The following SMCHD1 variants were observed in gnomAD, a reference collection of about 807,000 sequenced individuals.
SMCHD1 encodes structural maintenance of chromosomes flexible hinge domain-containing protein 1.
A neutral mutation model predicts 254.7 loss-of-function variants in SMCHD1; 78 were observed. The ratio of observed to expected loss-of-function variants is 0.31; its 90% CI spans 0.26 to 0.37. The LOEUF (loss-of-function observed/expected upper bound fraction) is 0.37. Among genes scored for constraint, SMCHD1 ranks in the 10% least tolerant of loss-of-function variants. SMCHD1 has a pLI of 1.00. For missense variants in SMCHD1, 1,840 were observed against 2,408.1 expected, an observed-to-expected ratio of 0.76 and a Z score of 4.94; for synonymous variants, 766 against 794.9, an observed-to-expected ratio of 0.96 and a Z score of 0.61.
chr18:2,752,511 A>T lies in SMCHD1; in HGVS notation c.4305A>T (p.Lys1435Asn). 6.2e-7 allele frequency: 1 copy of T among 1,600,980 alleles called. No individual in the cohort carries two copies. The highest frequency in any genetic ancestry group is 8.6e-7 in the Non-Finnish European group (1 of 1,168,834). ...AGGCAGAAACATTTAGTTGTAATAAAATAAAAGATAATGACAAAGAAGATG... is the reference window on the plus strand; with the variant it reads ...AGGCAGAAACATTTAGTTGTAATAATATAAAAGATAATGACAAAGAAGATG... The part of the protein sequence containing the change: ...PANAETFSCN[K>N]IKDNDKEDGC... Residue 1435 changes from lysine to asparagine, a missense_variant, in exon 34 of 48, where the codon AAA (lysine) becomes AAT (asparagine). Around this residue, in one of 9 missense-constraint regions of SMCHD1, gnomAD observed 881 missense variants for 1,009.5 expected, o/e 0.87. Transcript: ENST00000320876.
At chr18:2,740,915 G>C (rs908825414) in intron 28 of SMCHD1, 94 bp downstream of exon 28, 1 of 687,040 alleles carries the variant, frequency 1.5e-6, no homozygotes, top group African/African-American at 1.8e-5. Context: ...AAAAAAGTTT[G>C]ATTTTAGTTT....
intron 3 of SMCHD1, chr18:2,672,962 A>T (rs2073653035): frequency 1.7e-6 from 1 of 578,682 alleles, no homozygotes; most frequent in East Asian, 1.4e-4. Flanking sequence ...AGACTATTTG[A>T]TTTTATGGTT....
intron 28 of SMCHD1, 127 bp downstream of exon 28, chr18:2,740,948 G>A (rs895532640): frequency 1.4e-5 from 8 of 561,002 alleles, no homozygotes; most frequent in Non-Finnish European, 2.2e-5. Context: ...GTCATAAAAG[G>A]CATTTTAAAA....
intron 47 of SMCHD1, among the ~76,000 whole-genome samples, chr18:2,802,031 CTAT>C (rs553649741): frequency 1.5e-3 from 231 of 152,096 alleles, no homozygotes; most frequent in African/African-American, 5.4e-3. Flanking sequence ...GTTCAGGGAA[CTAT>C]TAGAAAATAT....
At chr18:2,719,303 T>A (rs1164319119) in intron 19 of SMCHD1, among the ~76,000 whole-genome samples, 1 of 151,316 alleles carries the variant, frequency 6.6e-6, no homozygotes, top group Non-Finnish European at 1.5e-5. Flanking sequence ...CTCTTTTCTT[T>A]TCTTTTCAAT....
intron 29 of SMCHD1, among the ~76,000 whole-genome samples, chr18:2,747,092 C>T (rs1282683087): frequency 6.6e-6 from 1 of 152,158 alleles, no homozygotes; most frequent in Non-Finnish European, 1.5e-5. Flanking sequence ...ATCTGAGAAC[C>T]AAAGATAGGT....
chr18:2,747,353 G>C (rs890383400), intron 29 of SMCHD1, among the ~76,000 whole-genome samples, 169 bp from the exon 30 acceptor site: 1 of 152,136 alleles, frequency 6.6e-6, no homozygotes, highest in African/African-American at 2.4e-5. Context: ...ATTTTGATAA[G>C]AGGGTCACAC....
chr18:2,743,287 A>G (rs897925281), intron 28 of SMCHD1, among the ~76,000 whole-genome samples: 1 of 152,206 alleles, frequency 6.6e-6, no homozygotes, highest in African/African-American at 2.4e-5. Flanking sequence ...CATGCAATAG[A>G]TAAGAAATAA....
chr18:2,715,656 C>T (rs1254964958), intron 17 of SMCHD1, among the ~76,000 whole-genome samples: 2 of 152,064 alleles, frequency 1.3e-5, no homozygotes, highest in Non-Finnish European at 2.9e-5. Context: ...AGTTCAAGAC[C>T]ATCCTGGACA....
chr18:2,705,740 G>C lies in SMCHD1; in HGVS notation c.1889G>C (p.Arg630Thr), dbSNP rs746681681. The change falls in exon 14 of 48, where the codon AGA (arginine) becomes ACA (threonine). Residue 630 changes from arginine (R) to threonine (T), a missense_variant. Physicochemically the swap from Arg to Thr is moderately conservative, Grantham distance 71. Around this residue, in one of 9 missense-constraint regions of SMCHD1, gnomAD observed 498 missense variants for 743.5 expected, o/e 0.67. Transcript: ENST00000320876. ...TLPLFYGSIV[R>T]FFLYGDHDGE... ...CCCCTCTTTTATGGAAGCATAGTAA[G>C]ATTTTTTCTTTATGGCGATCATGAT... The C allele has an allele frequency of 1.9e-6, 3 of 1,608,446 alleles. No individual in the cohort carries two copies. The highest frequency in any genetic ancestry group is 1.3e-5 in the African/African-American group (1 of 74,598).
At chr18:2,793,950 C>T (rs966243349) in intron 45 of SMCHD1, among the ~76,000 whole-genome samples, 9 of 152,062 alleles carry the variant, frequency 5.9e-5, no homozygotes, top group African/African-American at 1.9e-4. Flanking sequence ...GTACTCTGTA[C>T]TCTTAAGTAA....
At chr18:2,692,972 A>G in intron 7 of SMCHD1, among the ~76,000 whole-genome samples, 1 of 152,208 alleles carries the variant, frequency 6.6e-6, no homozygotes, top group Non-Finnish European at 1.5e-5. Context: ...TCCTGACTCA[A>G]AGTATATGAA....
At position 2,724,985 on chromosome 18, in the gene SMCHD1, G is replaced by A. The variant is rs1397452324; in HGVS notation, c.2690G>A (p.Cys897Tyr). The change falls in exon 21 of 48, where the codon TGT (cysteine) becomes TAT (tyrosine). Residue 897 changes from cysteine (C) to tyrosine (Y), a missense_variant. Cys to Tyr is a radical substitution (Grantham distance 194). Transcript: ENST00000320876. ...GVTAKGPVNS[C>Y]QGKNYNLKVT... is the part of the protein sequence containing the mutation. ...ACAGCCAAGGGCCCTGTAAACTCTTGTCAAGGCAAGGTAAGCATTATGTAT... is the reference window on the plus strand; with the variant it reads ...ACAGCCAAGGGCCCTGTAAACTCTTATCAAGGCAAGGTAAGCATTATGTAT... 1.3e-6 allele frequency: 2 copies of A among 1,573,652 alleles called. No homozygotes were observed. The highest frequency in any genetic ancestry group is 4.5e-5 in the East Asian group (2 of 44,216).
chr18:2,738,150 CTAAAGA>C (rs991341397), intron 25 of SMCHD1, among the ~76,000 whole-genome samples: 1 of 151,976 alleles, frequency 6.6e-6, no homozygotes, highest in Non-Finnish European at 1.5e-5. Context: ...TGGCAGAGCT[CTAAAGA>C]AATGACTTAA....
chr18:2,700,817 A>G lies in SMCHD1; in HGVS notation c.1546A>G (p.Asn516Asp). Residue 516 changes from asparagine to aspartate, a missense_variant, in exon 12 of 48, where the codon AAT (asparagine) becomes GAT (aspartate). Asn to Asp is a conservative substitution (Grantham distance 23). Around this residue, in one of 9 missense-constraint regions of SMCHD1, gnomAD observed 498 missense variants for 743.5 expected, o/e 0.67. Coordinates refer to ENST00000320876, the MANE Select transcript of SMCHD1 (RefSeq NM_015295.3). ...YNRISGALFT[N>D]DKFQVSTNKL... ...TAGGATATCTGGTGCATTATTCACT[A>G]ATGACAAATTCCAGGTCAGCACAAA... 6.2e-7 allele frequency: 1 copy of G among 1,613,562 alleles called. No homozygotes were observed. Among genetic ancestry groups the G allele is most frequent in the Non-Finnish European group, 8.5e-7 (1 of 1,179,642 alleles).
chr18:2,747,824 A>G (rs1019802480), intron 30 of SMCHD1, among the ~76,000 whole-genome samples, 177 bp downstream of exon 30: 1 of 152,220 alleles, frequency 6.6e-6, no homozygotes, highest in Non-Finnish European at 1.5e-5. Flanking sequence ...AATAAAGTTT[A>G]TATCTTACAG....
intron 34 of SMCHD1, among the ~76,000 whole-genome samples, chr18:2,755,464 A>G (rs2075655183): frequency 6.7e-6 from 1 of 149,526 alleles, no homozygotes. Context: ...CCTGGCTCTG[A>G]TTTTATTTGT....
At chr18:2,768,688 C>CTAGTATAGTACTATATACTATAGTAG (rs2075920113) in intron 37 of SMCHD1, among the ~76,000 whole-genome samples, 1 of 129,412 alleles carries the variant, frequency 7.7e-6, no homozygotes, top group Non-Finnish European at 1.7e-5. Flanking sequence ...TACTATACTA[C>CTAGTATAGTACTATATACTATAGTAG]TAGTATAGTA....
At chr18:2,713,100 A>G (rs577743643) in intron 17 of SMCHD1, among the ~76,000 whole-genome samples, 1 of 152,196 alleles carries the variant, frequency 6.6e-6, no homozygotes, top group East Asian at 1.9e-4. Context: ...GAGCTGTATG[A>G]GCTGTTTCTT....
Sources: allele counts gnomAD v4.1 joint callset (sites outside exome capture counted in the v4.1 genomes callset), GRCh38; gene constraint gnomAD v4.1.1; regional missense constraint gnomAD v4.1.1; transcripts MANE v1.5; gene names NCBI Gene and HGNC (gene_info 2026-07-23, HGNC 2026-07-21).